Variants in NCKAP5 observed in about 807,000 individuals in gnomAD.
The protein encoded by NCKAP5 is NCK associated protein 5.
A neutral mutation model predicts 167.0 loss-of-function variants in NCKAP5; 92 were observed. That is an observed-to-expected ratio of 0.55 (90% CI 0.47 to 0.66). The LOEUF is 0.66. Ranked by LOEUF, NCKAP5 falls within the 30% of genes least tolerant of loss-of-function variation. NCKAP5 has a pLI of 0.00. For synonymous variants in NCKAP5, 891 were observed against 877.4 expected (o/e 1.02, Z -0.27); for missense variants, 2,378 against 2,315.0 (o/e 1.03, Z -0.56).
chr2:132,765,458 G>A (rs886500331), intron 16 of NCKAP5, among the ~76,000 whole-genome samples: 13 of 151,874 alleles, frequency 8.6e-5, no homozygotes, highest in Non-Finnish European at 1.8e-4. Flanking sequence ...GTGACTACAG[G>A]CGCGTGGCAC....
chr2:133,339,428 C>A (rs181480221), intron 3 of NCKAP5, among the ~76,000 whole-genome samples: 2 of 152,214 alleles, frequency 1.3e-5, no homozygotes, highest in East Asian at 3.9e-4. Context: ...TTGCTCTGGT[C>A]TTTGAAGGTC....
At chr2:133,382,129 G>T (rs1686569712) in intron 3 of NCKAP5, among the ~76,000 whole-genome samples, 1 of 152,126 alleles carries the variant, frequency 6.6e-6, no homozygotes, top group Non-Finnish European at 1.5e-5. Flanking sequence ...AGTTATGCAG[G>T]GCTGAAAGCT....
rs373831313 is a variant in NCKAP5 at position 133,006,603 on chromosome 2, C to A, written c.342-12364G>T. On this transcript the variant is annotated intron_variant, in intron 6 of 19. Transcript: ENST00000409261. ...TGATTCCCATTTTCTACATCTCACA[C>A]AGTTTTTATTTTATTTTATTTTATT... 7.2e-4 allele frequency among the ~76,000 whole-genome samples: 102 copies of A among 141,030 alleles called. 1 individual carries two copies. Among genetic ancestry groups the A allele is most frequent in the Middle Eastern group, 3.7e-3 (1 of 268 alleles). The allele number at this position is 141,030 out of a possible 152,430, so 92.5% of individuals were successfully genotyped here.
chr2:133,582,356 C>T, the NCKAP5 span, among the ~76,000 whole-genome samples: 6 of 152,192 alleles, frequency 3.9e-5, no homozygotes, highest in East Asian at 7.7e-4. Flanking sequence ...CTGGCTGAAA[C>T]GGGCTAGACA....
At chr2:132,926,954 T>A (rs1342171410) in intron 8 of NCKAP5, among the ~76,000 whole-genome samples, 1 of 152,214 alleles carries the variant, frequency 6.6e-6, no homozygotes, top group Non-Finnish European at 1.5e-5. Flanking sequence ...AGTAGACCAA[T>A]GTTCAAAAGA....
chr2:133,534,044 A>G (rs963883159), intron 2 of NCKAP5, among the ~76,000 whole-genome samples: 1 of 152,192 alleles, frequency 6.6e-6, no homozygotes, highest in Non-Finnish European at 1.5e-5. Flanking sequence ...AATTATGACC[A>G]CATCTATACG....
chr2:132,684,396 A>G (rs1685664291), intron 19 of NCKAP5, among the ~76,000 whole-genome samples: 1 of 152,242 alleles, frequency 6.6e-6, no homozygotes, highest in Admixed American at 6.5e-5. Context: ...CTGTCAGGCA[A>G]GAAAGTTCAC....
intron 8 of NCKAP5, among the ~76,000 whole-genome samples, chr2:132,894,480 G>A (rs1203278470): frequency 1.3e-5 from 2 of 152,146 alleles, no homozygotes; most frequent in African/African-American, 4.8e-5. Flanking sequence ...AAATTGCAGT[G>A]AATGTATGAC....
At chr2:132,813,928 C>T (rs998987559) in intron 11 of NCKAP5, among the ~76,000 whole-genome samples, 2 of 152,164 alleles carry the variant, frequency 1.3e-5, no homozygotes, top group African/African-American at 4.8e-5. Context: ...CAGTATTCCA[C>T]TGCATGGGGG....
intron 3 of NCKAP5, among the ~76,000 whole-genome samples, chr2:133,367,250 T>C (rs1005666198): frequency 1.3e-5 from 2 of 151,994 alleles, no homozygotes; most frequent in Admixed American, 6.6e-5. Flanking sequence ...CCTAAGAAAT[T>C]ATTGGCTATT....
intron 4 of NCKAP5, among the ~76,000 whole-genome samples, chr2:133,247,139 T>G (rs538260664): frequency 1.3e-5 from 2 of 152,324 alleles, no homozygotes; most frequent in East Asian, 3.9e-4. Flanking sequence ...TATAAACACC[T>G]AATACACACA....
At chr2:133,412,801 T>G (rs1232198430) in intron 3 of NCKAP5, among the ~76,000 whole-genome samples, 1 of 152,214 alleles carries the variant, frequency 6.6e-6, no homozygotes, top group Non-Finnish European at 1.5e-5. Context: ...TGTCAAATAT[T>G]TATTTAAAAA....
chr2:133,161,608 G>A (rs868269327), intron 5 of NCKAP5, among the ~76,000 whole-genome samples: 23 of 152,124 alleles, frequency 1.5e-4, no homozygotes, highest in African/African-American at 4.8e-4. Flanking sequence ...GCATTGTGAT[G>A]TCAGTATTAT....
intron 9 of NCKAP5, among the ~76,000 whole-genome samples, chr2:132,875,106 T>C (rs916962349): frequency 3.3e-5 from 5 of 152,066 alleles, no homozygotes; most frequent in Admixed American, 2.6e-4. Context: ...CTAATTGTGG[T>C]GTTCTTAACC....
chr2:132,926,066 A>G, intron 8 of NCKAP5: 1 of 201,126 alleles, frequency 5.0e-6, no homozygotes, highest in East Asian at 1.2e-4. Flanking sequence ...GTCTTCAATG[A>G]TTATTATCAC....
At chr2:132,954,467 A>G (rs150253535) in intron 8 of NCKAP5, among the ~76,000 whole-genome samples, 45 of 152,322 alleles carry the variant, frequency 3.0e-4, no homozygotes, top group African/African-American at 1.1e-3. Flanking sequence ...CTATCACAAT[A>G]TGTATGTATA....
At chr2:133,055,744 A>G (rs1282426804) in intron 6 of NCKAP5, among the ~76,000 whole-genome samples, 1 of 152,124 alleles carries the variant, frequency 6.6e-6, no homozygotes, top group Non-Finnish European at 1.5e-5. Context: ...TCTCATTATA[A>G]TAGCCAGATG....
At position 132,784,445 on chromosome 2, in the gene NCKAP5, GAAGA is replaced by G; in HGVS notation, c.2362_2365del (p.Ser788ArgfsTer12). 2 of 1,605,622 alleles carry G rather than the reference GAAGA, an allele frequency of 1.2e-6. No homozygotes were observed. The highest frequency in any genetic ancestry group is 1.7e-6 in the Non-Finnish European group (2 of 1,176,706). ...CTTTTGATAGATGCCCATGGGTGCCGAAGACCTGGAATTACTCTGGCATGATATA... is the reference window on the plus strand; with the variant it reads ...CTTTTGATAGATGCCCATGGGTGCCGCCTGGAATTACTCTGGCATGATATA... On this transcript the variant is annotated frameshift_variant, in exon 14 of 20. Coordinates refer to ENST00000409261, the MANE Select transcript of NCKAP5 (RefSeq NM_207363.3). LOFTEE classifies it high-confidence loss of function.
chr2:133,229,751 T>C (rs935924651), intron 4 of NCKAP5, among the ~76,000 whole-genome samples: 19 of 152,154 alleles, frequency 1.2e-4, no homozygotes, highest in African/African-American at 4.1e-4. Flanking sequence ...AACATGATTC[T>C]AGCTGGAGTT....
Sources: gnomAD v4.1 joint callset for allele counts (sites outside exome capture counted in the v4.1 genomes callset) on GRCh38, gnomAD v4.1.1 for gene constraint, MANE v1.5 for transcripts, NCBI Gene and HGNC (gene_info 2026-07-23, HGNC 2026-07-21) for gene names.